The following LARGE1 variants were observed in gnomAD, a reference collection of about 807,000 sequenced individuals.
The protein encoded by LARGE1 is xylosyl- and glucuronyltransferase LARGE1.
Under a neutral mutation model 87.6 loss-of-function variants are expected in LARGE1, and 43 were observed. The ratio of observed to expected loss-of-function variants is 0.49; its 90% CI spans 0.38 to 0.63. LARGE1 has a LOEUF of 0.63. Ranked by LOEUF, LARGE1 falls within the 30% of genes least tolerant of loss-of-function variation. LARGE1 has a pLI of 0.00. For synonymous variants in LARGE1, 434 were observed against 394.6 expected (o/e 1.10, Z -1.18); for missense variants, 802 against 1,000.2 (o/e 0.80, Z 2.67).
intron 9 of LARGE1, among the ~76,000 whole-genome samples, chr22:33,375,929 C>A (rs2147059009): frequency 6.6e-6 from 1 of 152,172 alleles, no homozygotes; most frequent in South Asian, 2.1e-4. Flanking sequence ...GTTTTTAAAT[C>A]TGAGATTACT....
In LARGE1 at chr22:33,171,754, C is replaced by A. The variant is rs150655138; in HGVS notation, c.1731-4922G>T. On this transcript the variant is annotated intron_variant, in intron 11 of 11. Transcript: ENST00000608642. ...GTAAGGAAATGCCTGGATATCCAGG[C>A]AGAAGCTGGCTGCAAGGGTAGAGCC... Among the ~76,000 whole-genome samples, 1,042 of 152,306 alleles carry A rather than the reference C, an allele frequency of 6.8e-3. 53 individuals are homozygous for A. In the South Asian group the frequency reaches 0.12, roughly 17 times the overall value.
chr22:33,073,731 A>C, the LARGE1 span, among the ~76,000 whole-genome samples: 1 of 152,328 alleles, frequency 6.6e-6, no homozygotes, highest in South Asian at 2.1e-4. Flanking sequence ...AGCAAGCCAA[A>C]ACATCACTGA....
intron 11 of LARGE1, among the ~76,000 whole-genome samples, chr22:33,209,806 A>G (rs1924868027): frequency 6.6e-6 from 1 of 151,966 alleles, no homozygotes; most frequent in African/African-American, 2.4e-5. Flanking sequence ...CCACCAGGCC[A>G]GCTAATTGTA....
rs1405125831 is a variant in LARGE1, at chr22:33,755,120, A to AT, written c.106+6250dup. On this transcript the variant is annotated intron_variant, in intron 2 of 14. Coordinates refer to ENST00000397394, the MANE Select transcript of LARGE1 (RefSeq NM_133642.5). ...CAAAATAGCCCAGTATCGGAACCGT[A>AT]TTTTTTTCTGTTGAAATTTACTGTG... Among the ~76,000 whole-genome samples the AT allele has an allele frequency of 3.9e-5, 6 of 152,264 alleles. No homozygotes were observed. The East Asian group carries it at 5.8e-4, about 15-fold the overall frequency.
intron 7 of LARGE1, among the ~76,000 whole-genome samples, chr22:33,405,734 G>C (rs1478301421): frequency 6.6e-6 from 1 of 152,164 alleles, no homozygotes; most frequent in African/African-American, 2.4e-5. Flanking sequence ...CATTAAATGA[G>C]AGAAAGCACA....
At chr22:33,582,193 G>A (rs2078541013) in intron 5 of LARGE1, among the ~76,000 whole-genome samples, 1 of 152,166 alleles carries the variant, frequency 6.6e-6, no homozygotes, top group Non-Finnish European at 1.5e-5. Context: ...TCCTCAGACA[G>A]GACAGCCCCC....
At chr22:33,225,579 T>C (rs1450503080) in intron 11 of LARGE1, among the ~76,000 whole-genome samples, 2 of 152,196 alleles carry the variant, frequency 1.3e-5, no homozygotes, top group Non-Finnish European at 2.9e-5. Context: ...TTTAAACTTT[T>C]ATCTTAGGTT....
At chr22:33,131,410 C>G in the LARGE1 span, among the ~76,000 whole-genome samples, 1 of 152,194 alleles carries the variant, frequency 6.6e-6, no homozygotes. Context: ...TCTCATGTCT[C>G]ATTGCCTATT....
chr22:33,158,847 A>G (rs1227660253), downstream of LARGE1, among the ~76,000 whole-genome samples: 1 of 152,236 alleles, frequency 6.6e-6, no homozygotes, highest in East Asian at 1.9e-4. Context: ...GTGGAATTAG[A>G]AGTTAAATGT....
In LARGE1 at chr22:33,744,749, C is replaced by T. The variant is rs1420250319; in HGVS notation, c.106+16622G>A. On this transcript the variant is annotated intron_variant, in intron 2 of 14. Transcript: ENST00000397394. ...AGTGCTCAGCACAGAGGAGGAACTACCTACAGCCAAATGATTGTCATAGAA... is the reference window on the plus strand; with the variant it reads ...AGTGCTCAGCACAGAGGAGGAACTATCTACAGCCAAATGATTGTCATAGAA... 2.2e-4 allele frequency among the ~76,000 whole-genome samples: 33 copies of T among 152,162 alleles called. 1 individual carries two copies. Among genetic ancestry groups the T allele is most frequent in the Non-Finnish European group, 1.3e-4 (9 of 68,034 alleles).
chr22:33,253,947 G>C (rs1195054228), intron 11 of LARGE1, among the ~76,000 whole-genome samples: 1 of 147,842 alleles, frequency 6.8e-6, no homozygotes, highest in Non-Finnish European at 1.5e-5. Context: ...TAAATCTTTA[G>C]CTTGCCACCT....
At chr22:33,226,115 T>G (rs1925719578) in intron 11 of LARGE1, among the ~76,000 whole-genome samples, 1 of 152,222 alleles carries the variant, frequency 6.6e-6, no homozygotes, top group Non-Finnish European at 1.5e-5. Flanking sequence ...CTGTTTTTAG[T>G]TCTTTGAGGA....
chr22:33,540,150 A>G (rs898765829), intron 6 of LARGE1, among the ~76,000 whole-genome samples: 8 of 152,148 alleles, frequency 5.3e-5, no homozygotes, highest in Non-Finnish European at 1.2e-4. Context: ...CAGAGAAGTT[A>G]AAAAGTAACC....
At chr22:33,603,949 AT>A (rs1476616958) in intron 5 of LARGE1, among the ~76,000 whole-genome samples, 1 of 152,216 alleles carries the variant, frequency 6.6e-6, no homozygotes, top group Admixed American at 6.5e-5. Flanking sequence ...ATATTCTCTC[AT>A]TTGAGCCTCT....
At chr22:33,715,856 G>A (rs750935868) in intron 2 of LARGE1, among the ~76,000 whole-genome samples, 4 of 152,182 alleles carry the variant, frequency 2.6e-5, no homozygotes, top group South Asian at 2.1e-4. Flanking sequence ...CCATGGAAAC[G>A]CGGCAGATCC....
chr22:33,715,850 G>A lies in LARGE1; in HGVS notation c.106+45521C>T, dbSNP rs540767516. ...ACATCATTGAGCAAAGGGCCTCCATGGAAACGCGGCAGATCCCAGCTGACA... is the reference window on the plus strand; with the variant it reads ...ACATCATTGAGCAAAGGGCCTCCATAGAAACGCGGCAGATCCCAGCTGACA... On this transcript the variant is annotated intron_variant, in intron 2 of 14. Transcript: ENST00000397394. Among the ~76,000 whole-genome samples, 17 of 152,314 alleles carry A rather than the reference G, an allele frequency of 1.1e-4. No homozygotes were observed. In the Middle Eastern group the frequency reaches 0.01, roughly 91 times the overall value.
intron 9 of LARGE1, among the ~76,000 whole-genome samples, chr22:33,373,689 T>C (rs562718692): frequency 1.3e-5 from 2 of 152,194 alleles, no homozygotes; most frequent in South Asian, 2.1e-4. Flanking sequence ...CCATTAAATG[T>C]TTATCTTGGG....
chr22:33,492,043 G>C (rs983917027), intron 6 of LARGE1, among the ~76,000 whole-genome samples: 4 of 152,228 alleles, frequency 2.6e-5, no homozygotes. Context: ...GTTCTGAACA[G>C]AGTGGGTGCC....
intron 1 of LARGE1, among the ~76,000 whole-genome samples, chr22:33,790,839 G>A (rs894546409): frequency 3.3e-5 from 5 of 152,170 alleles, no homozygotes; most frequent in African/African-American, 1.2e-4. Flanking sequence ...TAAAAGCTCT[G>A]TTGAATTTTG....
Sources: allele counts gnomAD v4.1 joint callset (sites outside exome capture counted in the v4.1 genomes callset), GRCh38; gene constraint gnomAD v4.1.1; transcripts MANE v1.5; gene names NCBI Gene and HGNC (gene_info 2026-07-23, HGNC 2026-07-21).